PLS3: variants seen among roughly 807,000 people sequenced by gnomAD.
PLS3 encodes the protein plastin 3, also known as plastin-3.
PLS3 carries 11 observed loss-of-function variants against 46.5 expected under a neutral mutation model. The observed-to-expected ratio is 0.24, with a 90% confidence interval of 0.15 to 0.39. PLS3 has a LOEUF of 0.39. Among genes scored for constraint, PLS3 ranks in the 10% least tolerant of loss-of-function variants. The pLI, the probability that PLS3 is intolerant of heterozygous loss-of-function variation, is 1.00. For missense variants in PLS3, 308 were observed against 461.8 expected (o/e 0.67, Z 3.05); for synonymous variants, 167 against 162.2 (o/e 1.03, Z -0.22).
chrX:115,566,113 A>C (rs2074170437), intron 1 of PLS3, among the ~76,000 whole-genome samples: 1 of 112,210 alleles, frequency 8.9e-6, no homozygotes, highest in Non-Finnish European at 1.9e-5. Context: ...CTTGGCTTTT[A>C]AGCAGACAGG....
intron 1 of PLS3, among the ~76,000 whole-genome samples, chrX:115,602,010 G>A (rs1556634663): frequency 9.0e-6 from 1 of 111,523 alleles, no homozygotes; most frequent in East Asian, 2.8e-4. Context: ...CTAACACAAG[G>A]CACAATACCC....
At chrX:115,562,675 C>T (rs1296281262) in intron 1 of PLS3, 1 of 111,564 alleles carries the variant, frequency 9.0e-6, no homozygotes, top group African/African-American at 3.3e-5. Flanking sequence ...ACTTGATCCT[C>T]GAGATGCAGT....
At chrX:115,615,064 A>C (rs897273465) in intron 2 of PLS3, among the ~76,000 whole-genome samples, 1 of 111,241 alleles carries the variant, frequency 9.0e-6, no homozygotes, top group African/African-American at 3.3e-5. Flanking sequence ...ATACACACAC[A>C]ACCCGAGCGT....
chrX:115,602,988 G>C (rs2147471361), intron 1 of PLS3, among the ~76,000 whole-genome samples: 2 of 111,535 alleles, frequency 1.8e-5, no homozygotes, highest in East Asian at 5.7e-4. Flanking sequence ...AGATTATTCA[G>C]TCAGCTGCAT....
At chrX:115,566,573 TAGAGAC>T (rs1258184822) in intron 1 of PLS3, among the ~76,000 whole-genome samples, 3 of 111,000 alleles carry the variant, frequency 2.7e-5, no homozygotes, top group Non-Finnish European at 5.7e-5. Context: ...GTATTTTTAG[TAGAGAC>T]GGGGTTTCAC....
At chrX:115,639,452 T>C (rs1017735274) in intron 8 of PLS3, among the ~76,000 whole-genome samples, 1 of 111,980 alleles carries the variant, frequency 8.9e-6, no homozygotes, top group African/African-American at 3.2e-5. Context: ...AGCTCAGGAA[T>C]TGGATTCAGT....
intron 9 of PLS3, among the ~76,000 whole-genome samples, 195 bp from the exon 10 acceptor site, chrX:115,643,118 G>A (rs1556641210): frequency 3.6e-5 from 4 of 111,171 alleles, no homozygotes. Flanking sequence ...GTGATCTGGC[G>A]CCATCTAGTG....
rs782367881 is a variant in PLS3, at chrX:115,634,015, T to G, written c.516T>G (p.Leu172=). Residue 172 remains leucine (L), a synonymous_variant, in exon 6 of 16, where the codon CTT becomes CTG. Transcript: ENST00000355899. ...TTTGTTTCAGTAAAATGATTAACCTTTCAGTTCCTGATACCATTGATGAAA... is the reference window on the plus strand; with the variant it reads ...TTTGTTTCAGTAAAATGATTAACCTGTCAGTTCCTGATACCATTGATGAAA... The part of the protein sequence containing the change: ...DGIVLCKMIN[L]SVPDTIDERA... The G allele has an allele frequency of 7.9e-6, 9 of 1,143,540 alleles. No individual in the cohort carries two copies. In the East Asian group the frequency reaches 2.7e-4, roughly 34 times the overall value. The allele number at this position is 1,143,540 out of a possible 1,213,427, so 94.2% of individuals were successfully genotyped here. A position where few individuals can be genotyped will look rare whatever the true frequency, so the allele number is the denominator to read the frequency against.
chrX:115,597,040 G>A (rs1556633977), intron 1 of PLS3, among the ~76,000 whole-genome samples: 1 of 105,958 alleles, frequency 9.4e-6, no homozygotes, highest in Non-Finnish European at 1.9e-5. Context: ...AGCTACCCAG[G>A]AGGCTGCGGC....
intron 1 of PLS3, among the ~76,000 whole-genome samples, chrX:115,572,860 G>A (rs782752691): frequency 3.6e-5 from 4 of 110,937 alleles, no homozygotes; most frequent in African/African-American, 1.3e-4. Context: ...TAGGGAGGCC[G>A]AGGCAAGTGG....
intron 9 of PLS3, among the ~76,000 whole-genome samples, chrX:115,641,839 C>G (rs2074899591): frequency 9.1e-6 from 1 of 110,065 alleles, no homozygotes; most frequent in Non-Finnish European, 1.9e-5. Context: ...TCTGTTGACT[C>G]TAGAATTCAG....
chrX:115,610,402 G>A, intron 2 of PLS3, 79 bp downstream of exon 2: 1 of 485,935 alleles, frequency 2.1e-6, no homozygotes, highest in Non-Finnish European at 3.5e-6. Flanking sequence ...AATATCACAT[G>A]AATGGTTAAT....
intron 1 of PLS3, among the ~76,000 whole-genome samples, chrX:115,571,537 AAGAG>A (rs1235514026): frequency 1.8e-5 from 2 of 110,179 alleles, no homozygotes; most frequent in South Asian, 3.8e-4. Context: ...AAGAAAAAGA[AAGAG>A]AGAAAGAGAA....
intron 2 of PLS3, among the ~76,000 whole-genome samples, chrX:115,619,442 A>T (rs930697128): frequency 7.1e-5 from 8 of 112,285 alleles, no homozygotes; most frequent in Non-Finnish European, 1.5e-4. Flanking sequence ...AGCCCAAGAC[A>T]TTCATAAAAC....
chrX:115,575,633 CG>C (rs1177205832), intron 1 of PLS3, among the ~76,000 whole-genome samples: 1 of 111,015 alleles, frequency 9.0e-6, no homozygotes, highest in African/African-American at 3.3e-5. Context: ...TTAGTAGAGA[CG>C]GGGTTTCACC....
chrX:115,624,030 G>A, intron 3 of PLS3, among the ~76,000 whole-genome samples: 1 of 110,642 alleles, frequency 9.0e-6, no homozygotes, highest in Non-Finnish European at 1.9e-5. Context: ...AAGATCGAGG[G>A]CCATACTGGC....
chrX:115,580,512 G>A (rs190473756), intron 1 of PLS3, among the ~76,000 whole-genome samples: 2 of 112,083 alleles, frequency 1.8e-5, no homozygotes, highest in African/African-American at 6.5e-5. Flanking sequence ...CTTCTGTTCC[G>A]TTGTTTTGAG....
In PLS3 at chrX:115,650,707, G is replaced by A. The variant is rs1556642418; in HGVS notation, c.*1146G>A. On this transcript the variant is annotated 3_prime_UTR_variant, in exon 16 of 16. Transcript: ENST00000355899. ...TCTTCATGCTTTTGTCTCTTAGGAAGTATGCCAATGTTTGTCAGGATTTTT... is the reference window on the plus strand; with the variant it reads ...TCTTCATGCTTTTGTCTCTTAGGAAATATGCCAATGTTTGTCAGGATTTTT... 8.9e-6 allele frequency: 1 copy of A among 112,059 alleles called. No homozygotes were observed. Among genetic ancestry groups the A allele is most frequent in the Non-Finnish European group, 1.9e-5 (1 of 53,227 alleles). The allele number at this position is 112,059 out of a possible 1,213,427, so 9.2% of individuals were successfully genotyped here. A position where few individuals can be genotyped will look rare whatever the true frequency, so the allele number is the denominator to read the frequency against.
intron 1 of PLS3, among the ~76,000 whole-genome samples, chrX:115,594,420 A>G (rs2074367732): frequency 8.9e-6 from 1 of 111,936 alleles, no homozygotes; most frequent in South Asian, 3.7e-4. Context: ...ATGAAACAAA[A>G]CAAACCAGTT....
Sources: gnomAD v4.1 joint callset for allele counts (sites outside exome capture counted in the v4.1 genomes callset) on GRCh38, gnomAD v4.1.1 for gene constraint, MANE v1.5 for transcripts, NCBI Gene and HGNC (gene_info 2026-07-23, HGNC 2026-07-21) for gene names.